The following MFAP4 variants were observed in gnomAD, a reference collection of about 807,000 sequenced individuals.
MFAP4 encodes the protein microfibril-associated glycoprotein 4.
A neutral mutation model predicts 32.4 loss-of-function variants in MFAP4; 20 were observed. That is an observed-to-expected ratio of 0.62 (90% CI 0.43 to 0.90). MFAP4 has a LOEUF of 0.90. MFAP4 is among the 40% of genes least tolerant of loss of function. The pLI is 0.00. For missense variants in MFAP4, 267 were observed against 329.5 expected (o/e 0.81, Z 1.47); for synonymous variants, 146 against 137.4 (o/e 1.06, Z -0.44).
chr17:19,384,226 A>C lies in MFAP4; in HGVS notation c.*236T>G. The C allele has an allele frequency of 1.9e-5, 10 of 519,874 alleles. No individual in the cohort carries two copies. The highest frequency in any genetic ancestry group is 6.9e-5 in the East Asian group (2 of 28,886). The allele number at this position is 519,874 out of a possible 1,614,324, so 32.2% of individuals were successfully genotyped here. On this transcript the variant is annotated 3_prime_UTR_variant, in exon 6 of 6. Coordinates refer to ENST00000299610, the MANE Select transcript of MFAP4 (RefSeq NM_002404.3). ...AGGCTAGAACCATGTGCCTCTCGGA[A>C]GAGGCCTGGGGAACTGCTGGCAGTG...
chr17:19,386,977 G>GGGGGGCCCCCCCCCCCCCCCC, intron 1 of MFAP4, 139 bp from the exon 2 acceptor site: 1 of 689,460 alleles, frequency 1.5e-6, no homozygotes, highest in Non-Finnish European at 2.4e-6. Context: ...CCTCTTCCCT[G>GGGGGGCCCCCCCCCCCCCCCC]CCCCCCCACC....
At position 19,386,776 on chromosome 17, in the gene MFAP4, G is replaced by C; in HGVS notation, c.69C>G (p.Ser23=). The change falls in exon 2 of 6, where the codon TCC becomes TCG. Residue 23 remains serine (S), a synonymous_variant. Transcript: ENST00000299610. ...LSTPPCAPQV[S]GIRGDALERF... Reference sequence around the variant, plus strand: ...GCTGCTTACCATCTCCTCGGATCCCGGAGACCTGGGGGGCACACGGGGGCG... The same window carrying C: ...GCTGCTTACCATCTCCTCGGATCCCCGAGACCTGGGGGGCACACGGGGGCG... 1 of 1,575,234 alleles carries C rather than the reference G, an allele frequency of 6.3e-7. No homozygotes were observed. The highest frequency in any genetic ancestry group is 1.2e-5 in the South Asian group (1 of 85,786).
chr17:19,386,341 C>T lies in MFAP4; in HGVS notation c.209G>A (p.Cys70Tyr), dbSNP rs1302050963. The T allele has an allele frequency of 1.2e-6, 2 of 1,611,818 alleles. No individual in the cohort carries two copies. The highest frequency in any genetic ancestry group is 2.7e-5 in the African/African-American group (2 of 74,790). The part of the protein sequence containing the change: ...SGPSVPVPVF[C>Y]DMTTEGGKWT... ...CTTCCCGCCCTCGGTGGTCATGTCA[C>T]AGAAGACGGGCACAGGCACACTGGG... Residue 70 changes from cysteine (C) to tyrosine (Y), a missense_variant, in exon 3 of 6, where the codon TGT becomes TAT. Cys to Tyr is a radical substitution (Grantham distance 194). This residue lies in a region of MFAP4 where 223 missense variants were observed against 253.3 expected (regional missense o/e 0.88). Transcript: ENST00000299610.
At chr17:19,385,568 AC>A in intron 3 of MFAP4, 114 bp from the exon 4 acceptor site, 4 of 724,540 alleles carry the variant, frequency 5.5e-6, no homozygotes, top group Non-Finnish European at 7.1e-6. Context: ...TTGTTAAAGG[AC>A]TGGGTTGGGG....
Position 19,384,128 on chromosome 17 carries a change from G to A in MFAP4, c.*334C>T. 1 of 355,298 alleles carries A rather than the reference G, an allele frequency of 2.8e-6. No individual in the cohort carries two copies. The allele number at this position is 355,298 out of a possible 1,614,324, so 22.0% of individuals were successfully genotyped here. ...ATGGACCACAAAGGCCTGCAGCTGG[G>A]AGAGTGGCTCCTGGCTGTCAGCTGT... is the stretch of plus-strand genomic sequence containing the variant. On this transcript the variant is annotated 3_prime_UTR_variant, in exon 6 of 6. Transcript: ENST00000299610.
In MFAP4 at chr17:19,386,366, G is replaced by A; in HGVS notation, c.184C>T (p.Pro62Ser). ...DGVYLIYPSG[P>S]SVPVPVFCDM... ...CAGAAGACGGGCACAGGCACACTGG[G>A]GCCCGAGGGGTAGATGAGGTACACG... Residue 62 changes from proline (P) to serine (S), a missense_variant, in exon 3 of 6, where the codon CCC becomes TCC. By Grantham distance (74) the Pro-to-Ser change is moderately conservative (BLOSUM62 -1). Transcript: ENST00000299610. 1 of 1,613,848 alleles carries A rather than the reference G, an allele frequency of 6.2e-7. No individual in the cohort carries two copies.
chr17:19,386,649 A>G (rs1598123444), intron 2 of MFAP4, 111 bp downstream of exon 2: 3 of 1,320,400 alleles, frequency 2.3e-6, no homozygotes, highest in East Asian at 2.5e-5. Context: ...TAAAGGAGGA[A>G]CCTGAGTCCT....
At chr17:19,385,560 GT>G in intron 3 of MFAP4, 106 bp from the exon 4 acceptor site, 1 of 544,436 alleles carries the variant, frequency 1.8e-6, no homozygotes. Context: ...TGGCCAGTTT[GT>G]TAAAGGACTG....
intron 1 of MFAP4, 23 bp downstream of exon 1, chr17:19,387,127 T>C (rs1434151339): frequency 6.2e-7 from 1 of 1,611,364 alleles, no homozygotes; most frequent in Non-Finnish European, 8.5e-7. Context: ...ATGCTATGAG[T>C]CCCCCGACCC....
At chr17:19,385,766 C>A (rs1374612070) in intron 3 of MFAP4, among the ~76,000 whole-genome samples, 1 of 152,240 alleles carries the variant, frequency 6.6e-6, no homozygotes, top group Non-Finnish European at 1.5e-5. Context: ...CAAGTTACTT[C>A]ACCTCTCTGG....
rs887016040 is a variant in MFAP4 at position 19,384,371 on chromosome 17, C to T, written c.*91G>A. 3 of 1,435,480 alleles carry T rather than the reference C, an allele frequency of 2.1e-6. No individual in the cohort carries two copies. Among genetic ancestry groups the T allele is most frequent in the Non-Finnish European group, 2.8e-6 (3 of 1,067,258 alleles). The allele number at this position is 1,435,480 out of a possible 1,614,324, so 88.9% of individuals were successfully genotyped here. A position where few individuals can be genotyped will look rare whatever the true frequency, so the allele number is the denominator to read the frequency against. Reference sequence around the variant, plus strand: ...TTGTAAGGAGTTGGTGCTCGGGAATCAGCAGAAGCATGCATCAGGGGCAGC... The same window carrying T: ...TTGTAAGGAGTTGGTGCTCGGGAATTAGCAGAAGCATGCATCAGGGGCAGC... On this transcript the variant is annotated 3_prime_UTR_variant, in exon 6 of 6. Coordinates refer to ENST00000299610, the MANE Select transcript of MFAP4 (RefSeq NM_002404.3).
At position 19,384,402 on chromosome 17, in the gene MFAP4, G is replaced by T. The variant is rs970811740; in HGVS notation, c.*60C>A. On this transcript the variant is annotated 3_prime_UTR_variant, in exon 6 of 6. Coordinates refer to ENST00000299610, the MANE Select transcript of MFAP4 (RefSeq NM_002404.3). ...AAGCATGCATCAGGGGCAGCAGAGG[G>T]AGCACTCATGGAGACCATGGGTGTC... 4.6e-6 allele frequency: 7 copies of T among 1,521,852 alleles called. No individual in the cohort carries two copies. In the Admixed American group the frequency reaches 8.1e-5, roughly 18 times the overall value. The allele number at this position is 1,521,852 out of a possible 1,614,324, so 94.3% of individuals were successfully genotyped here.
At chr17:19,385,516 C>G in intron 3 of MFAP4, 62 bp from the exon 4 acceptor site, 1 of 1,478,852 alleles carries the variant, frequency 6.8e-7, no homozygotes, top group Non-Finnish European at 9.5e-7. Context: ...CTGGTCCTGC[C>G]CTGCCCACCT....
chr17:19,386,977 G>GGGGCCCCCCCC, intron 1 of MFAP4, 139 bp from the exon 2 acceptor site: 1 of 689,458 alleles, frequency 1.5e-6, no homozygotes, highest in African/African-American at 2.4e-5. Flanking sequence ...CCTCTTCCCT[G>GGGGCCCCCCCC]CCCCCCCACC....
In MFAP4 at chr17:19,384,176, A is replaced by G. The variant is rs990877852; in HGVS notation, c.*286T>C. 2.4e-5 allele frequency: 10 copies of G among 423,032 alleles called. No homozygotes were observed. Among genetic ancestry groups the G allele is most frequent in the African/African-American group, 2.0e-4 (10 of 49,808 alleles). 26.2% of individuals were successfully genotyped at this position (423,032 alleles called of 1,614,324 possible). A position where few individuals can be genotyped will look rare whatever the true frequency, so the allele number is the denominator to read the frequency against. On this transcript the variant is annotated 3_prime_UTR_variant, in exon 6 of 6. Coordinates refer to ENST00000299610, the MANE Select transcript of MFAP4 (RefSeq NM_002404.3). ...TGTTGGGACAGGTTGGAGGCAACTC[A>G]TTCTCATGGAGCCCAGCCAGGTCCA...
chr17:19,386,255 G>A (rs1272748097), intron 3 of MFAP4, 55 bp downstream of exon 3: 1 of 1,460,840 alleles, frequency 6.8e-7, no homozygotes, highest in Admixed American at 2.6e-5. Flanking sequence ...GAAGCCCAGG[G>A]TCACAGGGCT....
At chr17:19,386,978 C>CT in intron 1 of MFAP4, 140 bp from the exon 2 acceptor site, 6 of 455,544 alleles carry the variant, frequency 1.3e-5, no homozygotes, top group South Asian at 3.3e-5. Context: ...CTCTTCCCTG[C>CT]CCCCCCACCC....
chr17:19,384,106 G>C lies in MFAP4; in HGVS notation c.*356C>G, dbSNP rs1054206. The C allele has an allele frequency of 0.13, 43,573 of 331,794 alleles. 3,805 individuals are homozygous for C. Among genetic ancestry groups the C allele is most frequent in the Non-Finnish European group, 0.19 (31,622 of 169,772 alleles). The allele number at this position is 331,794 out of a possible 1,614,324, so 20.6% of individuals were successfully genotyped here. A position where few individuals can be genotyped will look rare whatever the true frequency, so the allele number is the denominator to read the frequency against. On this transcript the variant is annotated 3_prime_UTR_variant, in exon 6 of 6. Transcript: ENST00000299610. ...CACAGTGAGGAAGCAGGACAAGATG[G>C]ACCACAAAGGCCTGCAGCTGGGAGA...
rs1598123562 is a variant in MFAP4, at chr17:19,386,779, G to T, written c.66C>A (p.Val22=). The change falls in exon 2 of 6, where the codon GTC becomes GTA. Residue 22 remains valine (V), a synonymous_variant. Coordinates refer to ENST00000299610, the MANE Select transcript of MFAP4 (RefSeq NM_002404.3). The stretch of plus-strand genomic sequence containing the variant: ...GCTTACCATCTCCTCGGATCCCGGA[G>T]ACCTGGGGGGCACACGGGGGCGTGG... ...LLSTPPCAPQ[V]SGIRGDALER... 1 of 1,576,114 alleles carries T rather than the reference G, an allele frequency of 6.3e-7. No individual in the cohort carries two copies. The highest frequency in any genetic ancestry group is 2.3e-5 in the East Asian group (1 of 42,848).
Sources: gnomAD v4.1 joint callset for allele counts (sites outside exome capture counted in the v4.1 genomes callset) on GRCh38, gnomAD v4.1.1 for gene constraint, gnomAD v4.1.1 regional missense constraint, MANE v1.5 for transcripts, NCBI Gene and HGNC (gene_info 2026-07-23, HGNC 2026-07-21) for gene names.